KIF17: variants seen among roughly 807,000 people sequenced by gnomAD.
KIF17 encodes the protein kinesin family member 17.
KIF17 carries 80 observed loss-of-function variants against 96.8 expected under a neutral mutation model. The ratio of observed to expected loss-of-function variants is 0.83; its 90% CI spans 0.69 to 1.00. The LOEUF (loss-of-function observed/expected upper bound fraction) is 1.00. KIF17 is among the 50% of genes least tolerant of loss of function. The pLI is 0.00. For synonymous variants in KIF17, 567 were observed against 587.5 expected, an observed-to-expected ratio of 0.97 and a Z score of 0.51; for missense variants, 1,280 against 1,372.9, an observed-to-expected ratio of 0.93 and a Z score of 1.07.
At chr1:20,677,344 A>T (rs2053755574) in intron 11 of KIF17, among the ~76,000 whole-genome samples, 1 of 152,262 alleles carries the variant, frequency 6.6e-6, no homozygotes, top group South Asian at 2.1e-4. Flanking sequence ...GACATCGAGC[A>T]AAATCACACT....
At position 20,698,558 on chromosome 1, in the gene KIF17, A is replaced by AT. The variant is rs2054183077; in HGVS notation, c.1124-71dup. 7.0e-6 allele frequency: 7 copies of AT among 1,006,026 alleles called. No homozygotes were observed. The Admixed American group carries it at 1.3e-4, about 18-fold the overall frequency. The allele number at this position is 1,006,026 out of a possible 1,614,324, so 62.3% of individuals were successfully genotyped here. The stretch of plus-strand genomic sequence containing the variant: ...GTGTGCAGGAACTAAGCAGAAATCT[A>AT]TAAAAAGACGACCTCATGGTCATTC... On this transcript the variant is annotated intron_variant, in intron 5 of 14. Coordinates refer to ENST00000400463, the MANE Select transcript of KIF17 (RefSeq NM_001122819.3).
intron 6 of KIF17, chr1:20,693,638 T>G (rs1375483195): frequency 6.6e-6 from 1 of 152,078 alleles, no homozygotes; most frequent in Admixed American, 6.6e-5. Flanking sequence ...TGGGAAAGAT[T>G]TCTTCTTCTT....
At chr1:20,706,401 G>C (rs1329321358) in intron 4 of KIF17, among the ~76,000 whole-genome samples, 2 of 151,362 alleles carry the variant, frequency 1.3e-5, no homozygotes, top group Non-Finnish European at 2.9e-5. Flanking sequence ...GACCAGCCTG[G>C]CCAACATGGT....
rs776044482 is a variant in KIF17 at position 20,671,978 on chromosome 1, C to T, written c.2682G>A (p.Lys894=). The change falls in exon 12 of 15, where the codon AAG becomes AAA. Residue 894 remains lysine (K), a synonymous_variant. Transcript: ENST00000400463. ...SCWDEDNGFW[K]IPHPVITKTS... Reference sequence around the variant, plus strand: ...TTTTTGTGATGACGGGATGTGGGATCTTCCAGAAGCCGTTATCTTCGTCCC... The same window carrying T: ...TTTTTGTGATGACGGGATGTGGGATTTTCCAGAAGCCGTTATCTTCGTCCC... The T allele has an allele frequency of 1.9e-6, 3 of 1,614,036 alleles. No homozygotes were observed. The South Asian group carries it at 3.3e-5, about 18-fold the overall frequency.
chr1:20,695,974 C>T (rs1007887990), intron 6 of KIF17, among the ~76,000 whole-genome samples: 5 of 136,890 alleles, frequency 3.7e-5, no homozygotes, highest in African/African-American at 5.2e-5. Flanking sequence ...ATACACAGCC[C>T]GCCAAGGAGA....
At position 20,698,360 on chromosome 1, in the gene KIF17, C is replaced by T. The variant is rs114306883; in HGVS notation, c.1233+19G>A. 6,907 of 1,584,044 alleles carry T rather than the reference C, an allele frequency of 4.4e-3. 33 individuals are homozygous for T. Among genetic ancestry groups the T allele is most frequent in the Middle Eastern group, 0.041 (239 of 5,846 alleles). ...ACCTGCCTGTCCCTTCTCCATGTTC[C>T]CACCCGCTTGGGTCTCACCTCCCGG... On this transcript the variant is annotated intron_variant, in intron 6 of 14. Transcript: ENST00000400463.
At chr1:20,679,265 G>A (rs1032782886) in intron 11 of KIF17, among the ~76,000 whole-genome samples, 3 of 152,080 alleles carry the variant, frequency 2.0e-5, no homozygotes, top group Admixed American at 2.0e-4. Flanking sequence ...ACCCCCAGGA[G>A]TTTGAGACCA....
rs1159571483 is a variant in KIF17 at position 20,717,558 on chromosome 1, T to C, written c.149A>G (p.Lys50Arg). ...QNPGAADEPP[K>R]QFTFDGAYHV... ...GTAGGCGCCGTCGAAGGTGAACTGC[T>C]TGGGCGGCTCGTCGGCGGCGCCCGG... The change falls in exon 1 of 15, where the codon AAG becomes AGG. Residue 50 changes from lysine to arginine, a missense_variant. Lys to Arg is a conservative substitution (Grantham distance 26). Coordinates refer to ENST00000400463, the MANE Select transcript of KIF17 (RefSeq NM_001122819.3). The C allele has an allele frequency of 6.2e-7, 1 of 1,611,392 alleles. No homozygotes were observed. Among genetic ancestry groups the C allele is most frequent in the Admixed American group, 1.7e-5 (1 of 59,918 alleles).
At chr1:20,679,288 T>C (rs182111224) in intron 11 of KIF17, among the ~76,000 whole-genome samples, 3 of 151,980 alleles carry the variant, frequency 2.0e-5, no homozygotes, top group East Asian at 1.9e-4. Context: ...CTGGGTAACA[T>C]AGCAAGACCC....
At chr1:20,693,453 A>T (rs1239358379) in intron 6 of KIF17, 1 of 150,440 alleles carries the variant, frequency 6.6e-6, no homozygotes, top group African/African-American at 2.5e-5. Flanking sequence ...TTTGGTAAAG[A>T]TGGGGGTCTC....
intron 1 of KIF17, among the ~76,000 whole-genome samples, chr1:20,716,745 T>C (rs2054584929): frequency 6.6e-6 from 1 of 152,218 alleles, no homozygotes; most frequent in African/African-American, 2.4e-5. Flanking sequence ...CCCAAAGTCA[T>C]TCCCAAAGTC....
chr1:20,706,895 A>C lies in KIF17; in HGVS notation c.671-1996T>G, dbSNP rs1437360398. Among the ~76,000 whole-genome samples the C allele has an allele frequency of 2.0e-5, 3 of 151,712 alleles. No individual in the cohort carries two copies. The East Asian group carries it at 5.8e-4, about 29-fold the overall frequency. ...CAAAATAAAATCCTGTCTCAAAAAA[A>C]AAAAGAAAGAAAAGTAAAAGAAAAC... On this transcript the variant is annotated intron_variant, in intron 4 of 14. Coordinates refer to ENST00000400463, the MANE Select transcript of KIF17 (RefSeq NM_001122819.3).
At chr1:20,665,531 T>C (rs1044551159) in intron 14 of KIF17, among the ~76,000 whole-genome samples, 1 of 151,244 alleles carries the variant, frequency 6.6e-6, no homozygotes. Flanking sequence ...CCCTGAGTAG[T>C]TGGGATTACA....
intron 3 of KIF17, among the ~76,000 whole-genome samples, chr1:20,712,098 T>C: frequency 6.6e-6 from 1 of 152,150 alleles, no homozygotes; most frequent in African/African-American, 2.4e-5. Context: ...GCAGCAAGTG[T>C]GAGCAGCTGC....
In KIF17 at chr1:20,689,710, G is replaced by A. The variant is rs142537070; in HGVS notation, c.1381+478C>T. Among the ~76,000 whole-genome samples the A allele has an allele frequency of 3.0e-4, 45 of 152,254 alleles. No individual in the cohort carries two copies. The East Asian group carries it at 8.3e-3, about 28-fold the overall frequency. ...ACAAAAACCTCCAGATAGGTAAACA[G>A]CTGTGGCTAAGGATTAAATCCTTAT... On this transcript the variant is annotated intron_variant, in intron 7 of 14. Coordinates refer to ENST00000400463, the MANE Select transcript of KIF17 (RefSeq NM_001122819.3).
Position 20,685,172 on chromosome 1 carries a change from A to C in KIF17, c.2020-152T>G. ...TCAGGGACACCAGTGACACAAAAAC[A>C]CGCCCTGTTGAGTTCTTACTGCCGC... is the stretch of plus-strand genomic sequence containing the variant. On this transcript the variant is annotated intron_variant, in intron 9 of 14. Transcript: ENST00000400463. The surrounding 1 kb of genome is among the most constrained non-coding windows in gnomAD (Gnocchi z 4.1). The C allele has an allele frequency of 1.4e-6, 1 of 725,156 alleles. No individual in the cohort carries two copies. The highest frequency in any genetic ancestry group is 2.5e-6 in the Non-Finnish European group (1 of 395,940). The allele number at this position is 725,156 out of a possible 1,614,324, so 44.9% of individuals were successfully genotyped here.
chr1:20,695,006 GCA>G (rs1391878824), intron 6 of KIF17, among the ~76,000 whole-genome samples: 4 of 151,986 alleles, frequency 2.6e-5, no homozygotes, highest in Non-Finnish European at 5.9e-5. Context: ...ACATATATGC[GCA>G]CACACACATG....
Position 20,666,252 on chromosome 1 carries a change from G to C in KIF17, c.2870C>G (p.Ala957Gly). 1 of 1,614,174 alleles carries C rather than the reference G, an allele frequency of 6.2e-7. No individual in the cohort carries two copies. The highest frequency in any genetic ancestry group is 1.1e-5 in the South Asian group (1 of 91,084). ...GGCGTCTGTGCTGAGGATCTGGCTG[G>C]CCCGCTTAGATCGGAAGTAGTTGCT... ...IASNYFRSKR[A>G]SQILSTDARK... The change falls in exon 14 of 15, where the codon GCC becomes GGC. Residue 957 changes from alanine to glycine, a missense_variant. Physicochemically the swap from Ala to Gly is moderately conservative, Grantham distance 60 (BLOSUM62 0). Transcript: ENST00000400463.
chr1:20,674,549 G>A (rs1426353002), intron 11 of KIF17, among the ~76,000 whole-genome samples: 1 of 150,098 alleles, frequency 6.7e-6, no homozygotes, highest in Admixed American at 6.7e-5. Context: ...ATAGGCATGA[G>A]CCACTGCACC....
Sources: gnomAD v4.1 joint callset for allele counts (sites outside exome capture counted in the v4.1 genomes callset) on GRCh38, gnomAD v4.1.1 for gene constraint, Gnocchi (gnomAD v3.1) non-coding constraint, MANE v1.5 for transcripts, NCBI Gene and HGNC (gene_info 2026-07-23, HGNC 2026-07-21) for gene names.